Variants in WASHC2A observed in about 807,000 individuals in gnomAD.
The protein encoded by WASHC2A is WASH complex subunit FAM21A.
In WASHC2A, 82 loss-of-function variants were observed where a neutral mutation model predicts 140.3. That is an observed-to-expected ratio of 0.58 (90% CI 0.49 to 0.70). WASHC2A has a LOEUF of 0.70. WASHC2A is among the 30% of genes least tolerant of loss of function. The probability of loss-of-function intolerance (pLI) is 0.00; values close to 1 mark genes in which losing one functional copy is unlikely to be tolerated. For missense variants in WASHC2A, 985 were observed against 1,521.8 expected (o/e 0.65, Z 5.87); for synonymous variants, 340 against 560.8 (o/e 0.61, Z 5.56).
chr10:50,099,233 C>A (rs1840813719), intron 16 of WASHC2A, among the ~76,000 whole-genome samples: 1 of 150,656 alleles, frequency 6.6e-6, no homozygotes, highest in Non-Finnish European at 1.5e-5. Context: ...ATTCATTCTT[C>A]AGTGTAGATG....
intron 15 of WASHC2A, 113 bp downstream of exon 15, chr10:50,095,891 A>C (rs1363070881): frequency 1.7e-5 from 24 of 1,378,316 alleles, no homozygotes; most frequent in Non-Finnish European, 2.2e-5. Flanking sequence ...TCCCTTCTCC[A>C]GCATTCCTGT....
chr10:50,077,017 TG>T, intron 3 of WASHC2A, among the ~76,000 whole-genome samples: 2 of 150,894 alleles, frequency 1.3e-5, no homozygotes, highest in Admixed American at 1.3e-4. Flanking sequence ...CTCGGGAGGC[TG>T]AGGCAGGAGA....
intron 5 of WASHC2A, among the ~76,000 whole-genome samples, chr10:50,083,554 C>CTTTT (rs1206903936): frequency 1.2e-5 from 1 of 83,694 alleles, no homozygotes; most frequent in Non-Finnish European, 2.2e-5. Context: ...ACTTTGGTAT[C>CTTTT]TTTTTTTTTT....
chr10:50,126,580 G>C (rs1843451834), intron 26 of WASHC2A: 1 of 274,402 alleles, frequency 3.6e-6, no homozygotes, highest in African/African-American at 2.3e-5. Context: ...GGTCATTGCT[G>C]TTGGGCCGTA....
At chr10:50,094,931 T>C (rs1840321162) in intron 13 of WASHC2A, among the ~76,000 whole-genome samples, 2 of 151,600 alleles carry the variant, frequency 1.3e-5, no homozygotes, top group East Asian at 3.9e-4. Context: ...TGCTCTTCCA[T>C]TGGAGTCACA....
chr10:50,128,635 CT>C (rs1843658437), intron 28 of WASHC2A, among the ~76,000 whole-genome samples: 2 of 152,270 alleles, frequency 1.3e-5, no homozygotes, highest in South Asian at 4.2e-4. Flanking sequence ...AACCGCCTTC[CT>C]TTTAAAGAGA....
rs1389340224 is a variant in WASHC2A at position 50,129,709 on chromosome 10, G to T, written c.3378G>T (p.Glu1126Asp). 4 of 1,611,956 alleles carry T rather than the reference G, an allele frequency of 2.5e-6. No individual in the cohort carries two copies. In the South Asian group the frequency reaches 3.3e-5, roughly 13 times the overall value. The change falls in exon 29 of 31, where the codon GAG becomes GAT. Residue 1126 changes from glutamate (E) to aspartate (D), a missense_variant. Glu to Asp is a conservative substitution (Grantham distance 45). Coordinates refer to ENST00000282633, the MANE Select transcript of WASHC2A (RefSeq NM_001005751.3). ...FAKSLGHSRGEADLFDSGDIF... is the reference protein window; with the variant it reads ...FAKSLGHSRGDADLFDSGDIF... ...AGTCTCTGGGTCATTCCAGAGGGGA[G>T]GCTGACCTTTTTGATTCTGGGGACA...
intron 3 of WASHC2A, among the ~76,000 whole-genome samples, chr10:50,077,341 A>G (rs1302614861): frequency 8.5e-5 from 13 of 152,086 alleles, no homozygotes; most frequent in Non-Finnish European, 1.8e-4. Flanking sequence ...CTCTAAATAT[A>G]TGCACTTGTT....
intron 5 of WASHC2A, among the ~76,000 whole-genome samples, chr10:50,082,526 A>C (rs1839001653): frequency 6.9e-6 from 1 of 144,846 alleles, no homozygotes. Flanking sequence ...CTTGTTGCCC[A>C]AGCTGGAGTG....
At chr10:50,077,699 G>T (rs1162433115) in intron 3 of WASHC2A, among the ~76,000 whole-genome samples, 5,765 of 151,946 alleles carry the variant, frequency 0.038, 354 homozygotes, top group African/African-American at 0.13. Flanking sequence ...TTGAGATAGG[G>T]TCTCACTTTT....
intron 3 of WASHC2A, among the ~76,000 whole-genome samples, chr10:50,072,987 C>T (rs1554876782): frequency 6.6e-6 from 1 of 152,114 alleles, no homozygotes; most frequent in African/African-American, 2.4e-5. Context: ...TGAAACAATC[C>T]AGACTTTCTA....
At chr10:50,112,436 C>T (rs1842366151) in intron 20 of WASHC2A, 1 of 147,832 alleles carries the variant, frequency 6.8e-6, no homozygotes, top group African/African-American at 2.9e-5. Context: ...TTGGAACCCT[C>T]ATACACTGCT....
chr10:50,077,151 G>A (rs1350815146), intron 3 of WASHC2A, among the ~76,000 whole-genome samples: 67 of 151,380 alleles, frequency 4.4e-4, no homozygotes, highest in African/African-American at 1.3e-3. Flanking sequence ...CAAATTAGCC[G>A]GGTGTGGTGG....
At chr10:50,103,509 G>T (rs1329454220) in intron 17 of WASHC2A, among the ~76,000 whole-genome samples, 16 of 152,152 alleles carry the variant, frequency 1.1e-4, no homozygotes, top group Admixed American at 4.6e-4. Flanking sequence ...TCAGTGAGCC[G>T]AGATTGCACC....
intron 23 of WASHC2A, among the ~76,000 whole-genome samples, chr10:50,123,939 C>G (rs1843198940): frequency 6.6e-6 from 1 of 151,936 alleles, no homozygotes; most frequent in African/African-American, 2.4e-5. Context: ...TTCTCCCAGT[C>G]TCTTACTGTG....
At chr10:50,073,376 A>G (rs1838030899) in intron 3 of WASHC2A, among the ~76,000 whole-genome samples, 1 of 152,150 alleles carries the variant, frequency 6.6e-6, no homozygotes, top group Admixed American at 6.5e-5. Context: ...AATGACCTTG[A>G]GCAGTAGGAT....
rs1428310566 is a variant in WASHC2A, at chr10:50,119,579, A to AT, written c.2296-4dup. On this transcript the variant is annotated splice_polypyrimidine_tract_variant and splice_region_variant and intron_variant, in intron 22 of 30. Coordinates refer to ENST00000282633, the MANE Select transcript of WASHC2A (RefSeq NM_001005751.3). ...CTTATTTTTTCCCCCTATTATTTTCATTTTCAGGAAGGACTTTTGACTAGA... is the reference window on the plus strand; with the variant it reads ...CTTATTTTTTCCCCCTATTATTTTCATTTTTCAGGAAGGACTTTTGACTAGA... 1 of 1,268,924 alleles carries AT rather than the reference A, an allele frequency of 7.9e-7. No individual in the cohort carries two copies. Among genetic ancestry groups the AT allele is most frequent in the Non-Finnish European group, 1.1e-6 (1 of 919,566 alleles). 78.6% of individuals were successfully genotyped at this position (1,268,924 alleles called of 1,614,324 possible). A position where few individuals can be genotyped will look rare whatever the true frequency, so the allele number is the denominator to read the frequency against.
Position 50,129,941 on chromosome 10 carries a change from G to T in WASHC2A, c.3610G>T (p.Asp1204Tyr). The part of the protein sequence containing the change: ...KKTNPFPLLE[D>Y]EDDLFTDQKV... Reference sequence around the variant, plus strand: ...AACAAATCCCTTTCCTCTCCTGGAAGATGAGGATGACCTCTTTACAGATCA... The same window carrying T: ...AACAAATCCCTTTCCTCTCCTGGAATATGAGGATGACCTCTTTACAGATCA... Residue 1204 changes from aspartate to tyrosine, a missense_variant, in exon 29 of 31, where the codon GAT becomes TAT. Physicochemically the swap from Asp to Tyr is radical, Grantham distance 160. Coordinates refer to ENST00000282633, the MANE Select transcript of WASHC2A (RefSeq NM_001005751.3). 1 of 1,611,978 alleles carries T rather than the reference G, an allele frequency of 6.2e-7. No homozygotes were observed. The highest frequency in any genetic ancestry group is 2.2e-5 in the East Asian group (1 of 44,866).
rs1351054005 is a variant in WASHC2A, at chr10:50,111,543, T to A, written c.2039+1273T>A. Reference sequence around the variant, plus strand: ...TTCTCTCATCGGTTTGTTGGGATGATGAGGTGGAATCTAAATGTGAAATGC... The same window carrying A: ...TTCTCTCATCGGTTTGTTGGGATGAAGAGGTGGAATCTAAATGTGAAATGC... On this transcript the variant is annotated intron_variant, in intron 20 of 30. Coordinates refer to ENST00000282633, the MANE Select transcript of WASHC2A (RefSeq NM_001005751.3). 1.4e-4 allele frequency among the ~76,000 whole-genome samples: 21 copies of A among 152,298 alleles called. No homozygotes were observed. The South Asian group carries it at 3.5e-3, about 26-fold the overall frequency.
Sources: allele counts gnomAD v4.1 joint callset (sites outside exome capture counted in the v4.1 genomes callset), GRCh38; gene constraint gnomAD v4.1.1; transcripts MANE v1.5; gene names NCBI Gene and HGNC (gene_info 2026-07-23, HGNC 2026-07-21).